The following UNC93A variants were observed in gnomAD, a reference collection of about 807,000 sequenced individuals.
UNC93A encodes unc-93 homolog A.
In UNC93A, 43 loss-of-function variants were observed where a neutral mutation model predicts 47.5. That is an observed-to-expected ratio of 0.91 (90% CI 0.71 to 1.17). The LOEUF (loss-of-function observed/expected upper bound fraction) is 1.17, where lower values mean the gene tolerates loss of function less well. Among genes scored for constraint, UNC93A ranks in the 50% most tolerant of loss-of-function variants. The pLI is 0.00. For missense variants in UNC93A, 605 were observed against 577.6 expected (o/e 1.05, Z -0.49); for synonymous variants, 280 against 258.0 (o/e 1.09, Z -0.82).
intron 4 of UNC93A, 127 bp from the exon 5 acceptor site, chr6:167,303,792 C>T (rs558327571): frequency 9.6e-6 from 8 of 833,046 alleles, no homozygotes; most frequent in East Asian, 4.9e-5. Context: ...TGTCTAATGT[C>T]GCCTGAAATC....
intron 1 of UNC93A, among the ~76,000 whole-genome samples, chr6:167,278,990 T>A (rs1439290489): frequency 6.6e-6 from 1 of 152,258 alleles, no homozygotes; most frequent in Non-Finnish European, 1.5e-5. Flanking sequence ...GAAAATCTTT[T>A]AATAAAAATC....
chr6:167,307,855 C>G lies in UNC93A; in HGVS notation c.1053C>G (p.Phe351Leu). 6.2e-7 allele frequency: 1 copy of G among 1,614,088 alleles called. No homozygotes were observed. Among genetic ancestry groups the G allele is most frequent in the Non-Finnish European group, 8.5e-7 (1 of 1,179,978 alleles). Residue 351 changes from phenylalanine (F) to leucine (L), a missense_variant, in exon 7 of 8, where the codon TTC (phenylalanine) becomes TTG (leucine). Physicochemically the swap from Phe to Leu is conservative, Grantham distance 22 (BLOSUM62 0). Transcript: ENST00000230256. ...RPRADHLAVF[F>L]VFSGLWGVAD... ...GTGCTGACCATCTGGCAGTGTTCTT[C>G]GTATTCTCTGGCCTGTGGGGCGTGG... is the stretch of plus-strand genomic sequence containing the variant.
Position 167,281,606 on chromosome 6 carries a change from T to A in UNC93A, c.-51-9833T>A, listed in dbSNP as rs574032195. ...AACGCCCATAAATTGTGTATCTTTT[T>A]ACAACGTAGCCTGTGTGTGGTGAGG... is the stretch of plus-strand genomic sequence containing the variant. On this transcript the variant is annotated intron_variant, in intron 1 of 3. Transcript: ENST00000503433. Among the ~76,000 whole-genome samples the A allele has an allele frequency of 2.6e-5, 4 of 152,288 alleles. No individual in the cohort carries two copies. The East Asian group carries it at 7.7e-4, about 29-fold the overall frequency.
At chr6:167,299,485 T>G (rs2346124) in intron 4 of UNC93A, among the ~76,000 whole-genome samples, 1 of 152,034 alleles carries the variant, frequency 6.6e-6, no homozygotes, top group Non-Finnish European at 1.5e-5. Context: ...GTCGACAAAG[T>G]GTACTGAGCA....
At chr6:167,306,398 G>A (rs1169391853) in intron 6 of UNC93A, among the ~76,000 whole-genome samples, 1 of 152,180 alleles carries the variant, frequency 6.6e-6, no homozygotes, top group Non-Finnish European at 1.5e-5. Flanking sequence ...AGGCCATGGG[G>A]TTCACGGAAA....
At chr6:167,303,494 A>T (rs762340410) in intron 4 of UNC93A, among the ~76,000 whole-genome samples, 13 of 152,208 alleles carry the variant, frequency 8.5e-5, no homozygotes, top group Non-Finnish European at 1.6e-4. Context: ...GAAATAAACA[A>T]AAGTGTAGCA....
In UNC93A at chr6:167,291,444, T is replaced by C; in HGVS notation, c.-46T>C. ...CCTCAATTGGTTTCTTTTAGGGAGCTACAAATTTACGTGTTCACTGGTGAT... is the reference window on the plus strand; with the variant it reads ...CCTCAATTGGTTTCTTTTAGGGAGCCACAAATTTACGTGTTCACTGGTGAT... On this transcript the variant is annotated 5_prime_UTR_variant, in exon 1 of 8. Transcript: ENST00000230256. 6.3e-7 allele frequency: 1 copy of C among 1,580,230 alleles called. No individual in the cohort carries two copies. Among genetic ancestry groups the C allele is most frequent in the South Asian group, 1.1e-5 (1 of 87,850 alleles).
At chr6:167,285,946 C>CTCTCTA (rs1783720983) in intron 1 of UNC93A, among the ~76,000 whole-genome samples, 1 of 138,710 alleles carries the variant, frequency 7.2e-6, no homozygotes, top group Non-Finnish European at 1.6e-5. Context: ...CTTTCTCTCT[C>CTCTCTA]TCTCTCTCTC....
At chr6:167,296,357 A>G in intron 3 of UNC93A, 96 bp downstream of exon 3, 1 of 1,324,142 alleles carries the variant, frequency 7.6e-7, no homozygotes. Flanking sequence ...ACCTGCCTTG[A>G]TTCTGTAACT....
intron 3 of UNC93A, 22 bp from the exon 4 acceptor site, chr6:167,297,923 C>A: frequency 6.2e-7 from 1 of 1,612,334 alleles, no homozygotes; most frequent in Non-Finnish European, 8.5e-7. Flanking sequence ...TCTCATGTCT[C>A]CTGTCCACTC....
chr6:167,282,281 G>T (rs1474396618), intron 1 of UNC93A, among the ~76,000 whole-genome samples: 1 of 152,086 alleles, frequency 6.6e-6, no homozygotes, highest in Non-Finnish European at 1.5e-5. Context: ...CCATGAGAGA[G>T]AGTGGAGGCC....
chr6:167,292,335 G>A (rs2115111870), intron 1 of UNC93A, among the ~76,000 whole-genome samples: 1 of 152,286 alleles, frequency 6.6e-6, no homozygotes, highest in Middle Eastern at 3.4e-3. Flanking sequence ...AGCTTCTGAT[G>A]ACAAATTAGT....
chr6:167,280,493 C>T (rs1562341457), intron 1 of UNC93A, among the ~76,000 whole-genome samples: 1 of 152,218 alleles, frequency 6.6e-6, no homozygotes, highest in Non-Finnish European at 1.5e-5. Flanking sequence ...TGAGCACATT[C>T]ACCCAGGCAC....
At chr6:167,283,183 A>G (rs947655912) in intron 1 of UNC93A, among the ~76,000 whole-genome samples, 1 of 152,220 alleles carries the variant, frequency 6.6e-6, no homozygotes, top group African/African-American at 2.4e-5. Flanking sequence ...TTGCAGGGCC[A>G]TTTCAAAATG....
At chr6:167,289,361 T>G (rs1167115790), upstream of UNC93A, among the ~76,000 whole-genome samples, 13 of 152,116 alleles carry the variant, frequency 8.5e-5, no homozygotes. Context: ...CATTTTATTC[T>G]GCTACAGAGA....
chr6:167,289,825 A>T (rs1199503623), upstream of UNC93A, among the ~76,000 whole-genome samples: 1 of 151,960 alleles, frequency 6.6e-6, no homozygotes, highest in Non-Finnish European at 1.5e-5. Flanking sequence ...AAATAAAAAT[A>T]AGGTCCAAGT....
intron 1 of UNC93A, among the ~76,000 whole-genome samples, chr6:167,279,812 A>G (rs1463296042): frequency 1.3e-5 from 2 of 152,202 alleles, no homozygotes; most frequent in Admixed American, 6.5e-5. Context: ...AAGATGCCAG[A>G]CCCTTATCCT....
chr6:167,295,471 GCCTCCCTCGTGAACCTC>G lies in UNC93A; in HGVS notation c.270-560_270-544del, dbSNP rs1562350037. 5.1e-3 allele frequency among the ~76,000 whole-genome samples: 442 copies of G among 86,826 alleles called. 18 individuals carry two copies. Among genetic ancestry groups the G allele is most frequent in the Middle Eastern group, 0.028 (4 of 142 alleles). The allele number at this position is 86,826 out of a possible 152,430, so 57.0% of individuals were successfully genotyped here. Reference sequence around the variant, plus strand: ...GCTCCTCGCCTCCCTCGTGCTCCTCGCCTCCCTCGTGAACCTCGCCTCCCTCGTGATCCTCGCCTGCC... The same window carrying G: ...GCTCCTCGCCTCCCTCGTGCTCCTCGGCCTCCCTCGTGATCCTCGCCTGCC... On this transcript the variant is annotated intron_variant, in intron 2 of 7. Coordinates refer to ENST00000230256, the MANE Select transcript of UNC93A (RefSeq NM_018974.4).
At position 167,296,129 on chromosome 6, in the gene UNC93A, G is replaced by C; in HGVS notation, c.367G>C (p.Ala123Pro). ...TYLTITGNTH[A>P]EKAGKRGKDM... ...CCTCACGATCACGGGAAACACACATGCAGAGAAGGCGGGAAAGCGTGGCAA... is the reference window on the plus strand; with the variant it reads ...CCTCACGATCACGGGAAACACACATCCAGAGAAGGCGGGAAAGCGTGGCAA... The change falls in exon 3 of 8, where the codon GCA (alanine) becomes CCA (proline). Residue 123 changes from alanine (A) to proline (P), a missense_variant. By Grantham distance (27) the Ala-to-Pro change is conservative (BLOSUM62 -1). Coordinates refer to ENST00000230256, the MANE Select transcript of UNC93A (RefSeq NM_018974.4). 3.1e-6 allele frequency: 5 copies of C among 1,614,236 alleles called. No individual in the cohort carries two copies. Among genetic ancestry groups the C allele is most frequent in the Non-Finnish European group, 4.2e-6 (5 of 1,180,048 alleles).
Sources: gnomAD v4.1 joint callset for allele counts (sites outside exome capture counted in the v4.1 genomes callset) on GRCh38, gnomAD v4.1.1 for gene constraint, MANE v1.5 for transcripts, NCBI Gene and HGNC (gene_info 2026-07-23, HGNC 2026-07-21) for gene names.